CAMTA1: variants seen among roughly 807,000 people sequenced by gnomAD.
CAMTA1 encodes calmodulin-binding transcription activator 1.
Under a neutral mutation model 170.9 loss-of-function variants are expected in CAMTA1, and 27 were observed. The ratio of observed to expected loss-of-function variants is 0.16; its 90% CI spans 0.12 to 0.22. The LOEUF (loss-of-function observed/expected upper bound fraction) is 0.22, where lower values mean the gene tolerates loss of function less well. CAMTA1 is among the 10% of genes least tolerant of loss of function. The probability of loss-of-function intolerance (pLI) is 1.00; values close to 1 mark genes in which losing one functional copy is unlikely to be tolerated. For synonymous variants in CAMTA1, 833 were observed against 891.5 expected (o/e 0.93, Z 1.17); for missense variants, 1,619 against 2,217.2 (o/e 0.73, Z 5.42).
intron 5 of CAMTA1, among the ~76,000 whole-genome samples, chr1:7,330,741 A>G (rs1288281816): frequency 6.6e-6 from 1 of 152,260 alleles, no homozygotes; most frequent in Non-Finnish European, 1.5e-5. Context: ...AAGAGAAAAA[A>G]GTATTAAATG....
intron 4 of CAMTA1, among the ~76,000 whole-genome samples, chr1:7,199,441 C>T (rs1656223064): frequency 6.6e-6 from 1 of 152,180 alleles, no homozygotes; most frequent in Admixed American, 6.5e-5. Flanking sequence ...CTGTGGGGAC[C>T]CCATTCTCTT....
intron 3 of CAMTA1, among the ~76,000 whole-genome samples, chr1:6,925,023 G>T (rs979282250): frequency 3.9e-5 from 6 of 152,234 alleles, no homozygotes; most frequent in South Asian, 2.1e-4. Flanking sequence ...CCGGTGTGCT[G>T]ACAACTTTAT....
At chr1:7,626,375 G>A (rs892408155) in intron 6 of CAMTA1, among the ~76,000 whole-genome samples, 2 of 152,168 alleles carry the variant, frequency 1.3e-5, no homozygotes, top group African/African-American at 4.8e-5. Context: ...AGCAGAGGAA[G>A]GGTGGCCCCA....
intron 7 of CAMTA1, among the ~76,000 whole-genome samples, chr1:7,649,067 T>A (rs1263733970): frequency 6.6e-6 from 1 of 152,222 alleles, no homozygotes; most frequent in Non-Finnish European, 1.5e-5. Context: ...AAGTACTGGG[T>A]GTACCATTTC....
At chr1:7,496,305 G>T (rs1229441554) in intron 6 of CAMTA1, among the ~76,000 whole-genome samples, 1 of 152,318 alleles carries the variant, frequency 6.6e-6, no homozygotes, top group East Asian at 1.9e-4. Context: ...TGTGGGGCAC[G>T]TGAGCTCGTG....
chr1:7,636,311 T>G (rs1421880878), intron 6 of CAMTA1, among the ~76,000 whole-genome samples: 2 of 152,152 alleles, frequency 1.3e-5, no homozygotes, highest in Non-Finnish European at 2.9e-5. Context: ...TGTTGGAGGA[T>G]GGGGTGGGTA....
chr1:7,106,106 A>T lies in CAMTA1; in HGVS notation c.302+14735A>T, dbSNP rs146566497. Among the ~76,000 whole-genome samples, 19 of 152,274 alleles carry T rather than the reference A, an allele frequency of 1.2e-4. 1 individual carries two copies. The East Asian group carries it at 3.7e-3, about 29-fold the overall frequency. ...TATGTTAATTTGTAAAACTGCTTAG[A>T]TCACAGACCCACAGAGTGGTGGTGA... is the stretch of plus-strand genomic sequence containing the variant. On this transcript the variant is annotated intron_variant, in intron 4 of 22. Transcript: ENST00000303635.
In CAMTA1 at chr1:7,011,396, G is replaced by A. The variant is rs908687132; in HGVS notation, c.235-79908G>A. ...CTTCCAATGCTCCTCAGTGCCCCTA[G>A]AATAAGCTTCTAGACCCTCAGCCCT... On this transcript the variant is annotated intron_variant, in intron 3 of 22. Transcript: ENST00000303635. Among the ~76,000 whole-genome samples the A allele has an allele frequency of 5.9e-5, 9 of 152,094 alleles. 1 individual carries two copies. The East Asian group carries it at 1.4e-3, about 23-fold the overall frequency.
At chr1:7,607,839 G>A (rs909959833) in intron 6 of CAMTA1, among the ~76,000 whole-genome samples, 5 of 152,208 alleles carry the variant, frequency 3.3e-5, no homozygotes, top group African/African-American at 7.2e-5. Context: ...CTATAGAGAA[G>A]CAGATTTGGA....
At position 7,266,051 on chromosome 1, in the gene CAMTA1, C is replaced by T. The variant is rs572960737; in HGVS notation, c.438+16425C>T. Among the ~76,000 whole-genome samples the T allele has an allele frequency of 3.9e-5, 6 of 152,354 alleles. No homozygotes were observed. The South Asian group carries it at 1.2e-3, about 32-fold the overall frequency. ...GCTTCTAGCTTAAATATTAAAGTCT[C>T]TGCTGGTGGATGGAGGAGCCCAGCT... On this transcript the variant is annotated intron_variant, in intron 5 of 22. Coordinates refer to ENST00000303635, the MANE Select transcript of CAMTA1 (RefSeq NM_015215.4).
At chr1:7,018,895 G>A (rs563224188) in intron 3 of CAMTA1, among the ~76,000 whole-genome samples, 3 of 152,166 alleles carry the variant, frequency 2.0e-5, no homozygotes, top group South Asian at 2.1e-4. Flanking sequence ...GATCAGCAGC[G>A]GGGAGGGCAC....
intron 1 of CAMTA1, among the ~76,000 whole-genome samples, chr1:6,804,498 TC>T (rs1442365860): frequency 6.6e-6 from 1 of 152,122 alleles, no homozygotes. Flanking sequence ...TAGCAGCCAC[TC>T]CCTGTTGCCT....
At chr1:7,413,306 GC>G (rs2090929729) in intron 5 of CAMTA1, among the ~76,000 whole-genome samples, 2 of 152,136 alleles carry the variant, frequency 1.3e-5, no homozygotes, top group Admixed American at 1.3e-4. Context: ...GCCATTGGTA[GC>G]TTGATGGGGA....
intron 6 of CAMTA1, among the ~76,000 whole-genome samples, chr1:7,602,525 G>A (rs965811280): frequency 1.2e-4 from 18 of 151,942 alleles, no homozygotes; most frequent in Non-Finnish European, 1.8e-4. Context: ...TTTTTATTGC[G>A]TCTATTTGAT....
chr1:7,474,273 CAGTT>C (rs1416858102), intron 6 of CAMTA1, among the ~76,000 whole-genome samples: 3 of 136,788 alleles, frequency 2.2e-5, no homozygotes, highest in Admixed American at 7.1e-5. Flanking sequence ...CTCTGAGTCT[CAGTT>C]AGCTCATCCA....
intron 3 of CAMTA1, among the ~76,000 whole-genome samples, chr1:6,972,250 G>T (rs1475726919): frequency 2.0e-5 from 3 of 152,184 alleles, no homozygotes; most frequent in Non-Finnish European, 2.9e-5. Flanking sequence ...TATGTAAATT[G>T]CAGGGAAGAG....
Position 6,970,472 on chromosome 1 carries a change from A to G in CAMTA1, c.235-120832A>G, listed in dbSNP as rs1220196981. 6.6e-6 allele frequency among the ~76,000 whole-genome samples: 1 copy of G among 151,976 alleles called. No individual in the cohort carries two copies. The highest frequency in any genetic ancestry group is 2.4e-5 in the African/African-American group (1 of 41,374). On this transcript the variant is annotated intron_variant, in intron 3 of 22. Coordinates refer to ENST00000303635, the MANE Select transcript of CAMTA1 (RefSeq NM_015215.4). This position sits in a 1 kb window ranked among gnomAD's most constrained non-coding sequence, Gnocchi z 4.4. Reference sequence around the variant, plus strand: ...CCAGACCAGCATCGGTGAGGAGGTAATGGGGGTTCTTGCCAGGCCAGGGAC... The same window carrying G: ...CCAGACCAGCATCGGTGAGGAGGTAGTGGGGGTTCTTGCCAGGCCAGGGAC...
intron 5 of CAMTA1, among the ~76,000 whole-genome samples, chr1:7,449,769 C>CAAAAAA (rs59913060): frequency 6.3e-5 from 5 of 79,450 alleles, no homozygotes; most frequent in Admixed American, 1.5e-4. Flanking sequence ...GACTCGGTCT[C>CAAAAAA]AAAAAAAAAA....
chr1:6,982,462 A>G (rs1240241011), intron 3 of CAMTA1, among the ~76,000 whole-genome samples: 1 of 152,178 alleles, frequency 6.6e-6, no homozygotes, highest in African/African-American at 2.4e-5. Context: ...TGTGACATGG[A>G]GAGCGGGAGG....
Sources: gnomAD v4.1 joint callset for allele counts (sites outside exome capture counted in the v4.1 genomes callset) on GRCh38, gnomAD v4.1.1 for gene constraint, Gnocchi (gnomAD v3.1) non-coding constraint, MANE v1.5 for transcripts, NCBI Gene and HGNC (gene_info 2026-07-23, HGNC 2026-07-21) for gene names.